The following DCN variants were observed in gnomAD, a reference collection of about 807,000 sequenced individuals.
The protein encoded by DCN is decorin.
In DCN, 17 loss-of-function variants were observed where a neutral mutation model predicts 36.5. That is an observed-to-expected ratio of 0.47 (90% confidence interval 0.32 to 0.70). The LOEUF (loss-of-function observed/expected upper bound fraction) is 0.70. DCN is among the 30% of genes least tolerant of loss of function. The pLI, the probability that DCN is intolerant of heterozygous loss-of-function variation, is 0.04. For missense variants in DCN, 389 were observed against 430.1 expected (o/e 0.90, Z 0.84); for synonymous variants, 163 against 161.4 (o/e 1.01, Z -0.07).
At chr12:91,168,950 A>G (rs939685500) in intron 2 of DCN, among the ~76,000 whole-genome samples, 18 of 152,230 alleles carry the variant, frequency 1.2e-4, no homozygotes, top group African/African-American at 2.4e-5. Context: ...TTTCTCCTGG[A>G]AAAGCATCAG....
chr12:91,150,329 A>C (rs928227983), intron 7 of DCN, among the ~76,000 whole-genome samples: 11 of 152,214 alleles, frequency 7.2e-5, no homozygotes, highest in African/African-American at 2.7e-4. Flanking sequence ...AACAAATGAC[A>C]TTGGGACAAT....
At chr12:91,163,324 CT>C (rs372708431) in intron 3 of DCN, among the ~76,000 whole-genome samples, 35 of 152,248 alleles carry the variant, frequency 2.3e-4, no homozygotes, top group African/African-American at 8.4e-4. Flanking sequence ...ATTCTTTGCC[CT>C]TTTTTGGCCC....
At chr12:91,146,316 A>G in intron 7 of DCN, 64 bp from the exon 8 acceptor site, 3 of 897,082 alleles carry the variant, frequency 3.3e-6, no homozygotes, top group Non-Finnish European at 3.4e-6. Context: ...CTTCAGGTAA[A>G]CATTTTATTT....
intron 5 of DCN, among the ~76,000 whole-genome samples, chr12:91,154,029 G>C (rs779823883): frequency 3.4e-4 from 51 of 152,072 alleles, no homozygotes; most frequent in Admixed American, 3.0e-3. Context: ...AATAGATACA[G>C]AGAAAATAGC....
chr12:91,181,034 G>A (rs901985179), intron 1 of DCN: 1 of 152,022 alleles, frequency 6.6e-6, no homozygotes, highest in African/African-American at 2.4e-5. Flanking sequence ...CTGTTAAAAT[G>A]GTACAAATTC....
intron 3 of DCN, among the ~76,000 whole-genome samples, chr12:91,161,489 C>T (rs921316427): frequency 1.3e-5 from 2 of 152,126 alleles, no homozygotes; most frequent in Non-Finnish European, 2.9e-5. Context: ...CCTTTTTAAA[C>T]TTATGCCAAC....
chr12:91,153,021 T>G (rs1881533769), intron 6 of DCN, 75 bp downstream of exon 6: 2 of 836,578 alleles, frequency 2.4e-6, no homozygotes, highest in South Asian at 2.7e-5. Flanking sequence ...ATCATCATGT[T>G]TATAATTCTT....
Position 91,172,525 on chromosome 12 carries a change from C to T in DCN, c.211+5817G>A, listed in dbSNP as rs1883034117. ...TGACTGCGTTATCAGTTAGACCAGG[C>T]TTCATACATAGATGATTCTTCTCTT... is the stretch of plus-strand genomic sequence containing the variant. On this transcript the variant is annotated intron_variant, in intron 2 of 7. Coordinates refer to ENST00000052754, the MANE Select transcript of DCN (RefSeq NM_001920.5). 7 of 317,942 alleles carry T rather than the reference C, an allele frequency of 2.2e-5. 1 individual carries two copies. Among genetic ancestry groups the T allele is most frequent in the Middle Eastern group, 9.7e-4 (1 of 1,028 alleles). 19.7% of individuals were successfully genotyped at this position (317,942 alleles called of 1,614,324 possible). A position where few individuals can be genotyped will look rare whatever the true frequency, so the allele number is the denominator to read the frequency against.
intron 2 of DCN, among the ~76,000 whole-genome samples, chr12:91,170,162 A>G (rs1328261652): frequency 6.6e-6 from 1 of 152,148 alleles, no homozygotes; most frequent in Non-Finnish European, 1.5e-5. Context: ...GTGAGAATTC[A>G]ATAAGCTATG....
At position 91,143,117 on chromosome 12, in the gene DCN, A is replaced by G. The variant is rs1880805211; in HGVS notation, c.*2941T>C. ...GAGGGTGAAGATGGAGGCATAAATT[A>G]GAGTCACGCTGCCATAAGGCAAAGA... On this transcript the variant is annotated 3_prime_UTR_variant, in exon 8 of 8. Coordinates refer to ENST00000052754, the MANE Select transcript of DCN (RefSeq NM_001920.5). 2 of 152,232 alleles carry G rather than the reference A, an allele frequency of 1.3e-5. No individual in the cohort carries two copies. Among genetic ancestry groups the G allele is most frequent in the Admixed American group, 1.3e-4 (2 of 15,284 alleles). 9.4% of individuals were successfully genotyped at this position (152,232 alleles called of 1,614,324 possible). A position where few individuals can be genotyped will look rare whatever the true frequency, so the allele number is the denominator to read the frequency against.
intron 2 of DCN, among the ~76,000 whole-genome samples, chr12:91,165,679 C>G (rs1051414758): frequency 6.6e-6 from 1 of 151,964 alleles, no homozygotes; most frequent in Admixed American, 6.6e-5. Flanking sequence ...TCTATTAACT[C>G]AAATTAATGT....
At chr12:91,172,945 T>C (rs1403856971) in intron 2 of DCN, 1 of 499,448 alleles carries the variant, frequency 2.0e-6, no homozygotes, top group African/African-American at 2.0e-5. Context: ...ATATAATTGA[T>C]TATTATAGAA....
intron 6 of DCN, among the ~76,000 whole-genome samples, chr12:91,152,806 G>T (rs1034908080): frequency 2.6e-5 from 4 of 151,810 alleles, no homozygotes; most frequent in African/African-American, 9.7e-5. Flanking sequence ...CATATTAAAT[G>T]CACATATTGA....
chr12:91,160,853 T>A (rs1882112162), intron 3 of DCN, among the ~76,000 whole-genome samples: 1 of 152,180 alleles, frequency 6.6e-6, no homozygotes, highest in Admixed American at 6.5e-5. Context: ...TTTTCCATTA[T>A]TTTATAGAAC....
rs572739312 is a variant in DCN, at chr12:91,141,676, A to C, written c.*4382T>G. The stretch of plus-strand genomic sequence containing the variant: ...AGTAGATATATCTGATCAAGACAAA[A>C]AAGTTGGATTATTTTGACATTTTTG... On this transcript the variant is annotated 3_prime_UTR_variant, in exon 8 of 8. Coordinates refer to ENST00000052754, the MANE Select transcript of DCN (RefSeq NM_001920.5). 2 of 152,268 alleles carry C rather than the reference A, an allele frequency of 1.3e-5. No homozygotes were observed. Among genetic ancestry groups the C allele is most frequent in the African/African-American group, 4.8e-5 (2 of 41,572 alleles). The allele number at this position is 152,268 out of a possible 1,614,324, so 9.4% of individuals were successfully genotyped here. A position where few individuals can be genotyped will look rare whatever the true frequency, so the allele number is the denominator to read the frequency against.
chr12:91,159,079 G>T (rs1881990979), intron 3 of DCN, among the ~76,000 whole-genome samples: 2 of 152,202 alleles, frequency 1.3e-5, no homozygotes, highest in Admixed American at 1.3e-4. Flanking sequence ...AGACATGTAT[G>T]TATGTATATG....
chr12:91,158,701 C>T (rs1881958824), intron 3 of DCN, among the ~76,000 whole-genome samples, 192 bp from the exon 4 acceptor site: 3 of 152,170 alleles, frequency 2.0e-5, no homozygotes, highest in Admixed American at 2.0e-4. Context: ...GTGGCTCATG[C>T]CTGTAATCCC....
chr12:91,142,604 G>T lies in DCN; in HGVS notation c.*3454C>A, dbSNP rs1443257742. The T allele has an allele frequency of 6.6e-6, 1 of 152,180 alleles. No individual in the cohort carries two copies. Among genetic ancestry groups the T allele is most frequent in the Non-Finnish European group, 1.5e-5 (1 of 68,032 alleles). 9.4% of individuals were successfully genotyped at this position (152,180 alleles called of 1,614,324 possible). A position where few individuals can be genotyped will look rare whatever the true frequency, so the allele number is the denominator to read the frequency against. On this transcript the variant is annotated 3_prime_UTR_variant, in exon 8 of 8. Transcript: ENST00000052754. ...AATTACATAGTAACATTTATTGCCA[G>T]ATCAAAGTCTTTGAAGAAAAATGCT...
chr12:91,146,850 C>A (rs1202316072), intron 7 of DCN, among the ~76,000 whole-genome samples: 1 of 152,168 alleles, frequency 6.6e-6, no homozygotes, highest in Non-Finnish European at 1.5e-5. Flanking sequence ...TAATCAACAA[C>A]AAATCTTGCT....
Sources: allele counts gnomAD v4.1 joint callset (sites outside exome capture counted in the v4.1 genomes callset), GRCh38; gene constraint gnomAD v4.1.1; transcripts MANE v1.5; gene names NCBI Gene and HGNC (gene_info 2026-07-23, HGNC 2026-07-21).